The following SPATA31C1 variants were observed in gnomAD, a reference collection of about 807,000 sequenced individuals.
The protein encoded by SPATA31C1 is SPATA31 subfamily C member 1.
chr9:87,916,513 C>A, intron 1 of SPATA31C1, among the ~76,000 whole-genome samples: 1 of 149,468 alleles, frequency 6.7e-6, no homozygotes, highest in African/African-American at 2.4e-5. Context: ...GAGCTCATAT[C>A]TAGAATATTG....
At chr9:87,916,002 G>C (rs1356430752) in intron 1 of SPATA31C1, among the ~76,000 whole-genome samples, 1 of 142,050 alleles carries the variant, frequency 7.0e-6, no homozygotes, top group African/African-American at 2.6e-5. Flanking sequence ...ATAGGGTCTT[G>C]CAGTAATCTC....
exon 5 of SPATA31C1, chr9:87,922,189 G>A: frequency 6.2e-7 from 1 of 1,613,178 alleles, no homozygotes; most frequent in Non-Finnish European, 8.5e-7. Context: ...AATGATCATG[G>A]GTCCTTGAAG....
exon 5 of SPATA31C1, chr9:87,922,166 G>T (rs1828892631): frequency 1.9e-6 from 3 of 1,613,146 alleles, no homozygotes; most frequent in Non-Finnish European, 2.5e-6. Flanking sequence ...CCCCGCGAGG[G>T]ATCCCATCTT....
In SPATA31C1 at chr9:87,921,077, T is replaced by C. The variant is rs768007975; in HGVS notation, n.1467T>C. 319 of 1,611,530 alleles carry C rather than the reference T, an allele frequency of 2.0e-4. 1 individual carries two copies. Among genetic ancestry groups the C allele is most frequent in the Non-Finnish European group, 2.5e-4 (294 of 1,179,476 alleles). ...GAGTAGCTTGCCCTGCGTCGCAGAA[T>C]AAAGTGCAAGCTCTCTCCTTACCTG... On this transcript the variant is annotated non_coding_transcript_exon_variant, in exon 5 of 5. Coordinates refer to ENST00000420021, the Ensembl canonical transcript of SPATA31C1.
chr9:87,916,188 C>G (rs1828712109), intron 1 of SPATA31C1, among the ~76,000 whole-genome samples: 1 of 125,320 alleles, frequency 8.0e-6, no homozygotes, highest in Admixed American at 8.5e-5. Flanking sequence ...GGATGGTAGA[C>G]AATAAGAAAA....
Position 87,921,629 on chromosome 9 carries a change from G to A in SPATA31C1, n.2019G>A, listed in dbSNP as rs376157087. ...GAAGTGATTTATTAAGACGCACAGA[G>A]AGGAATCATATAGAAAACATCCTGA... On this transcript the variant is annotated non_coding_transcript_exon_variant, in exon 5 of 5. Transcript: ENST00000420021. The A allele has an allele frequency of 3.3e-5, 53 of 1,612,036 alleles. No individual in the cohort carries two copies. In the South Asian group the frequency reaches 3.7e-4, roughly 11 times the overall value.
rs777151426 is a variant in SPATA31C1, at chr9:87,923,352, A to G, written n.3742A>G. ...GCAGCCCTTGAAAAGTGTCCGGTGC[A>G]ACAATGAGCAATGGGGCCTGCGACA... On this transcript the variant is annotated non_coding_transcript_exon_variant, in exon 5 of 5. Coordinates refer to ENST00000420021, the Ensembl canonical transcript of SPATA31C1. The G allele has an allele frequency of 2.5e-6, 4 of 1,602,506 alleles. No individual in the cohort carries two copies. In the African/African-American group the frequency reaches 5.4e-5, roughly 21 times the overall value.
At chr9:87,921,072 C>G (rs774677905) in exon 5 of SPATA31C1, 1 of 1,611,526 alleles carries the variant, frequency 6.2e-7, no homozygotes, top group South Asian at 1.1e-5. Context: ...CCCTGCGTCG[C>G]AGAATAAAGT....
chr9:87,920,047 T>C (rs553510423), intron 4 of SPATA31C1, 71 bp downstream of exon 3: 1 of 1,608,540 alleles, frequency 6.2e-7, no homozygotes, highest in Non-Finnish European at 8.5e-7. Flanking sequence ...ACAGGCAGCC[T>C]GGAGCTGACC....
chr9:87,923,350 G>C (rs1828933824), exon 5 of SPATA31C1: 2 of 1,602,350 alleles, frequency 1.2e-6, no homozygotes, highest in Non-Finnish European at 1.7e-6. Context: ...AGTGTCCGGT[G>C]CAACAATGAG....
chr9:87,921,647 C>T (rs751825730), exon 5 of SPATA31C1: 2 of 1,612,030 alleles, frequency 1.2e-6, no homozygotes, highest in East Asian at 2.2e-5. Flanking sequence ...ATATAGAAAA[C>T]ATCCTGAAAG....
intron 1 of SPATA31C1, chr9:87,917,546 C>CAA (rs1307519564): frequency 1.7e-5 from 1 of 59,620 alleles, no homozygotes; most frequent in African/African-American, 4.8e-5. Context: ...TCACAGAAGA[C>CAA]AAAAACATTG....
exon 5 of SPATA31C1, chr9:87,920,712 C>A: frequency 1.2e-6 from 2 of 1,614,020 alleles, no homozygotes; most frequent in Non-Finnish European, 1.7e-6. Context: ...CTTGTCTCCA[C>A]GTGAGGATTT....
At position 87,922,316 on chromosome 9, in the gene SPATA31C1, C is replaced by T; in HGVS notation, n.2706C>T. 3 of 1,611,532 alleles carry T rather than the reference C, an allele frequency of 1.9e-6. No individual in the cohort carries two copies. The South Asian group carries it at 3.3e-5, about 18-fold the overall frequency. On this transcript the variant is annotated non_coding_transcript_exon_variant, in exon 5 of 5. Coordinates refer to ENST00000420021, the Ensembl canonical transcript of SPATA31C1. ...CCCAATCTTCAAGGGCTGGAGAGAC[C>T]AGGGAGGCAGTGCCACAACCCACAG... is the stretch of plus-strand genomic sequence containing the variant.
chr9:87,916,667 C>A, intron 1 of SPATA31C1, among the ~76,000 whole-genome samples: 1 of 133,986 alleles, frequency 7.5e-6, no homozygotes, highest in African/African-American at 2.6e-5. Context: ...AGAGGAATGC[C>A]AGTCCTTTTA....
chr9:87,920,116 C>G, intron 4 of SPATA31C1, 136 bp from the exon 4 acceptor site: 2 of 1,602,722 alleles, frequency 1.2e-6, no homozygotes, highest in Non-Finnish European at 1.7e-6. Context: ...CGAGGGGTAG[C>G]AGGAGAATTG....
At chr9:87,917,294 G>C (rs1358220517) in intron 1 of SPATA31C1, among the ~76,000 whole-genome samples, 1 of 146,694 alleles carries the variant, frequency 6.8e-6, no homozygotes, top group Admixed American at 6.8e-5. Flanking sequence ...GTGGGCGCCT[G>C]TAGTCCCAGC....
chr9:87,921,504 A>G (rs1828865468), exon 5 of SPATA31C1: 1 of 1,611,776 alleles, frequency 6.2e-7, no homozygotes, highest in South Asian at 1.1e-5. Context: ...GACCCCACAA[A>G]ATCTATCCAG....
chr9:87,922,416 G>A (rs745586912), exon 5 of SPATA31C1: 35 of 1,610,088 alleles, frequency 2.2e-5, no homozygotes, highest in South Asian at 5.5e-5. Flanking sequence ...GGCTCCAGGC[G>A]CCAGCAAAAG....
Sources: allele counts gnomAD v4.1 joint callset (sites outside exome capture counted in the v4.1 genomes callset), GRCh38; gene constraint gnomAD v4.1.1; transcripts MANE v1.5; gene names NCBI Gene and HGNC (gene_info 2026-07-23, HGNC 2026-07-21).